The following RASA3 variants were observed in gnomAD, a reference collection of about 807,000 sequenced individuals.
The protein encoded by RASA3 is ras GTPase-activating protein 3.
In RASA3, 73 loss-of-function variants were observed where a neutral mutation model predicts 110.0. That is an observed-to-expected ratio of 0.66 (90% CI 0.55 to 0.81). RASA3 has a LOEUF of 0.81. Ranked by LOEUF, RASA3 falls within the 30% of genes least tolerant of loss-of-function variation. The probability of loss-of-function intolerance (pLI) is 0.00; values close to 1 mark genes in which losing one functional copy is unlikely to be tolerated. For missense variants in RASA3, 976 were observed against 1,113.2 expected, an observed-to-expected ratio of 0.88 and a Z score of 1.75; for synonymous variants, 500 against 451.4, an observed-to-expected ratio of 1.11 and a Z score of -1.37.
At position 114,112,662 on chromosome 13, in the gene RASA3, C is replaced by T. The variant is rs1490288515; in HGVS notation, c.55+19773G>A. ...GGAGAATGGGGTGGGGGTATGCCAG[C>T]TCTCCCTGCTTGCCCTGGTCCCACA... On this transcript the variant is annotated intron_variant, in intron 1 of 23. Transcript: ENST00000334062. The surrounding 1 kb of genome is among the most constrained non-coding windows in gnomAD (Gnocchi z 4.8). Among the ~76,000 whole-genome samples, 1 of 151,940 alleles carries T rather than the reference C, an allele frequency of 6.6e-6. No individual in the cohort carries two copies. The highest frequency in any genetic ancestry group is 2.4e-5 in the African/African-American group (1 of 41,368).
chr13:114,106,175 T>A (rs993846566), intron 1 of RASA3, among the ~76,000 whole-genome samples: 1 of 152,172 alleles, frequency 6.6e-6, no homozygotes, highest in African/African-American at 2.4e-5. Flanking sequence ...CATAGAAACA[T>A]ATGGGTTTAA....
intron 1 of RASA3, among the ~76,000 whole-genome samples, chr13:114,079,877 G>A (rs564741304): frequency 1.4e-3 from 209 of 152,252 alleles, no homozygotes; most frequent in African/African-American, 4.2e-3. Flanking sequence ...TGCACATCTC[G>A]GTGGGCTGAC....
At position 113,979,211 on chromosome 13, in the gene RASA3, AGC is replaced by A; in HGVS notation, c.*134_*135del. On this transcript the variant is annotated 3_prime_UTR_variant, in exon 24 of 24. Transcript: ENST00000334062. ...AGCGGTTCTGGGAGAGGGAAACCCC[AGC>A]GCCACTTGTCTATGGGCCGGGACGG... 1.2e-6 allele frequency: 1 copy of A among 838,284 alleles called. No individual in the cohort carries two copies. The highest frequency in any genetic ancestry group is 1.9e-6 in the Non-Finnish European group (1 of 515,396). 51.9% of individuals were successfully genotyped at this position (838,284 alleles called of 1,614,324 possible).
chr13:114,004,978 C>T (rs895862550), intron 18 of RASA3, among the ~76,000 whole-genome samples: 5 of 152,164 alleles, frequency 3.3e-5, no homozygotes, highest in African/African-American at 2.4e-5. Flanking sequence ...GCAACGTGAA[C>T]GGAACTAGAG....
intron 4 of RASA3, among the ~76,000 whole-genome samples, chr13:114,035,115 A>T (rs1307573383): frequency 1.3e-5 from 2 of 152,252 alleles, no homozygotes; most frequent in South Asian, 2.1e-4. Context: ...AAAAATGAGT[A>T]AACTAAACCC....
intron 1 of RASA3, among the ~76,000 whole-genome samples, chr13:114,116,210 T>C (rs928015490): frequency 2.6e-5 from 4 of 152,202 alleles, no homozygotes; most frequent in African/African-American, 7.2e-5. Flanking sequence ...GAGAAGGTCA[T>C]CACAGACACC....
rs951745481 is a variant in RASA3, at chr13:114,057,754, A to G, written c.174-5599T>C. Among the ~76,000 whole-genome samples the G allele has an allele frequency of 2.0e-5, 3 of 152,144 alleles. No individual in the cohort carries two copies. Among genetic ancestry groups the G allele is most frequent in the African/African-American group, 7.2e-5 (3 of 41,426 alleles). ...AACCTCTGAGAATGAACCCACAGCT[A>G]AAACCCATAAAACCTCCGCCAACCA... On this transcript the variant is annotated intron_variant, in intron 2 of 23. Transcript: ENST00000334062. The surrounding 1 kb of genome is among the most constrained non-coding windows in gnomAD (Gnocchi z 5.0).
chr13:114,028,059 G>A (rs1163178181), intron 5 of RASA3, 132 bp from the exon 6 acceptor site: 7 of 702,530 alleles, frequency 1.0e-5, no homozygotes, highest in Admixed American at 2.8e-5. Context: ...AGGCAGGGAG[G>A]GCCACACCAG....
At chr13:114,013,407 C>CTCTGTT (rs1207323310) in intron 14 of RASA3, among the ~76,000 whole-genome samples, 159 bp from the exon 15 acceptor site, 49 of 150,644 alleles carry the variant, frequency 3.3e-4, no homozygotes, top group South Asian at 8.3e-4. Flanking sequence ...GTTTCCCTCT[C>CTCTGTT]TCCCTCTCTC....
chr13:113,998,214 C>T (rs1202818428), intron 20 of RASA3, among the ~76,000 whole-genome samples: 2 of 152,176 alleles, frequency 1.3e-5, no homozygotes, highest in African/African-American at 4.8e-5. Flanking sequence ...CCGGCCATCC[C>T]CCTCAGTCAG....
intron 1 of RASA3, among the ~76,000 whole-genome samples, chr13:114,121,205 C>CG (rs1409937097): frequency 6.6e-5 from 10 of 152,226 alleles, no homozygotes; most frequent in Non-Finnish European, 1.5e-4. Context: ...GCACTGCGGC[C>CG]GGGGGCAGGA....
At chr13:114,080,360 A>G (rs1376443018) in intron 1 of RASA3, among the ~76,000 whole-genome samples, 2 of 152,028 alleles carry the variant, frequency 1.3e-5, no homozygotes, top group African/African-American at 2.4e-5. Context: ...GCTGATTCCA[A>G]AACTCACTGG....
chr13:114,095,324 T>C (rs1477115025), intron 1 of RASA3, among the ~76,000 whole-genome samples: 1 of 152,182 alleles, frequency 6.6e-6, no homozygotes, highest in Non-Finnish European at 1.5e-5. Flanking sequence ...CACAGAGCTA[T>C]AAAACCATCA....
chr13:114,018,384 T>C (rs1317980783), intron 10 of RASA3, 132 bp from the exon 11 acceptor site: 3 of 1,235,252 alleles, frequency 2.4e-6, no homozygotes, highest in Non-Finnish European at 3.3e-6. Flanking sequence ...ACACACACAT[T>C]CACAAAAACA....
chr13:114,104,842 C>T (rs1444665966), intron 1 of RASA3, among the ~76,000 whole-genome samples: 2 of 151,450 alleles, frequency 1.3e-5, no homozygotes, highest in Non-Finnish European at 2.9e-5. Flanking sequence ...CTCACCCCTC[C>T]CTCCCCACAC....
rs1236436679 is a variant in RASA3, at chr13:114,132,557, A to T, written c.-68T>A. The T allele has an allele frequency of 1.6e-6, 2 of 1,248,344 alleles. No homozygotes were observed. The highest frequency in any genetic ancestry group is 2.0e-6 in the Non-Finnish European group (2 of 994,856). 77.3% of individuals were successfully genotyped at this position (1,248,344 alleles called of 1,614,324 possible). A position where few individuals can be genotyped will look rare whatever the true frequency, so the allele number is the denominator to read the frequency against. Reference sequence around the variant, plus strand: ...CGAGCCCGGGCAGCTCAGGCCGAGCAGGAGGAGCGGCGGCGCCGGAGCCCC... The same window carrying T: ...CGAGCCCGGGCAGCTCAGGCCGAGCTGGAGGAGCGGCGGCGCCGGAGCCCC... On this transcript the variant is annotated 5_prime_UTR_variant, in exon 1 of 24. Transcript: ENST00000334062.
intron 1 of RASA3, among the ~76,000 whole-genome samples, chr13:114,118,292 C>G (rs2139781572): frequency 6.6e-6 from 1 of 152,266 alleles, no homozygotes; most frequent in South Asian, 2.1e-4. Flanking sequence ...CAGGCCCACC[C>G]CCGCCTGTGT....
intron 14 of RASA3, 24 bp downstream of exon 14, chr13:114,015,185 C>G: frequency 1.2e-6 from 2 of 1,612,368 alleles, no homozygotes; most frequent in Non-Finnish European, 1.7e-6. Flanking sequence ...TTCTCAGCAA[C>G]ATGAGGGTGT....
rs137908581 is a variant in RASA3 at position 114,047,683 on chromosome 13, G to C, written c.277+4369C>G. Among the ~76,000 whole-genome samples the C allele has an allele frequency of 6.0e-3, 913 of 152,370 alleles. 3 individuals are homozygous for C. Among genetic ancestry groups the C allele is most frequent in the African/African-American group, 0.018 (731 of 41,582 alleles). On this transcript the variant is annotated intron_variant, in intron 3 of 23. Transcript: ENST00000334062. ...TGGATGAGGCGGCTGAGCTGTGTCT[G>C]TATGATGGAAACCCACGGGCAGTGG...
Sources: gnomAD v4.1 joint callset for allele counts (sites outside exome capture counted in the v4.1 genomes callset) on GRCh38, gnomAD v4.1.1 for gene constraint, Gnocchi (gnomAD v3.1) non-coding constraint, MANE v1.5 for transcripts, NCBI Gene and HGNC (gene_info 2026-07-23, HGNC 2026-07-21) for gene names.